Variants in CDH6 observed in about 807,000 individuals in gnomAD.
The protein encoded by CDH6 is cadherin 6, also known as cadherin-6.
A neutral mutation model predicts 78.0 loss-of-function variants in CDH6; 31 were observed. The observed-to-expected ratio is 0.40, with a 90% CI of 0.30 to 0.54. The LOEUF is 0.54. Ranked by LOEUF, CDH6 falls within the 20% of genes least tolerant of loss-of-function variation. CDH6 has a pLI of 0.56. For missense variants in CDH6, 724 were observed against 975.9 expected (o/e 0.74, Z 3.44); for synonymous variants, 376 against 368.8 (o/e 1.02, Z -0.23).
intron 1 of CDH6, among the ~76,000 whole-genome samples, chr5:31,197,149 G>A (rs1740191248): frequency 6.6e-6 from 1 of 152,082 alleles, no homozygotes; most frequent in African/African-American, 2.4e-5. Flanking sequence ...CCTTACTCCA[G>A]GTTTTTTCTG....
chr5:31,255,326 T>G (rs1295608405), intron 1 of CDH6, among the ~76,000 whole-genome samples: 1 of 152,216 alleles, frequency 6.6e-6, no homozygotes, highest in East Asian at 1.9e-4. Context: ...ACAACTGCAG[T>G]AAAACTCAAC....
At chr5:31,200,237 T>G (rs1311036195) in intron 1 of CDH6, among the ~76,000 whole-genome samples, 1 of 152,156 alleles carries the variant, frequency 6.6e-6, no homozygotes, top group Non-Finnish European at 1.5e-5. Context: ...GAGAATAAAT[T>G]ATCTTATCCT....
At chr5:31,201,689 G>T (rs1426788218) in intron 1 of CDH6, among the ~76,000 whole-genome samples, 1 of 152,002 alleles carries the variant, frequency 6.6e-6, no homozygotes, top group Admixed American at 6.6e-5. Flanking sequence ...AAAAGTCTGG[G>T]GACCACTGGT....
Position 31,325,880 on chromosome 5 carries a change from G to C in CDH6, c.*2572G>C. The C allele has an allele frequency of 1.3e-5, 3 of 231,978 alleles. No individual in the cohort carries two copies. In the East Asian group the frequency reaches 1.8e-4, roughly 14 times the overall value. 14.4% of individuals were successfully genotyped at this position (231,978 alleles called of 1,614,324 possible). A position where few individuals can be genotyped will look rare whatever the true frequency, so the allele number is the denominator to read the frequency against. ...AGTACCAGGGTACTGTAAGTATCAA[G>C]TTGGAGTGACGTTTTCCTATAATTC... On this transcript the variant is annotated 3_prime_UTR_variant, in exon 12 of 12. Transcript: ENST00000265071.
chr5:31,245,327 T>A (rs146543242), intron 1 of CDH6, among the ~76,000 whole-genome samples: 1 of 152,326 alleles, frequency 6.6e-6, no homozygotes, highest in East Asian at 1.9e-4. Flanking sequence ...ATTTCAATTC[T>A]TTTCCCTGTT....
chr5:31,235,390 T>G (rs1741429146), intron 1 of CDH6, among the ~76,000 whole-genome samples: 3 of 152,094 alleles, frequency 2.0e-5, no homozygotes. Flanking sequence ...GAAAATGTTG[T>G]TTTGTGATTT....
chr5:31,323,056 C>T lies in CDH6; in HGVS notation c.2121C>T (p.Arg707=), dbSNP rs764986629. 1.2e-6 allele frequency: 2 copies of T among 1,614,074 alleles called. No individual in the cohort carries two copies. The highest frequency in any genetic ancestry group is 2.2e-5 in the East Asian group (1 of 44,874). Residue 707 remains arginine, a synonymous_variant, in exon 12 of 12, where the codon CGC becomes CGT. Transcript: ENST00000265071. The stretch of plus-strand genomic sequence containing the variant: ...TACCCCGACGGACTCCAACAGCTCG[C>T]GACAACACCGATGTCAGAGATTTCA... ...LFLPRRTPTA[R]DNTDVRDFIN... is the part of the protein sequence containing the mutation.
chr5:31,200,418 G>C (rs1264555151), intron 1 of CDH6, among the ~76,000 whole-genome samples: 1 of 151,872 alleles, frequency 6.6e-6, no homozygotes, highest in Non-Finnish European at 1.5e-5. Flanking sequence ...TTGGGACTCT[G>C]GGTAGAGCTA....
chr5:31,305,966 C>G (rs1197576413), intron 7 of CDH6, among the ~76,000 whole-genome samples: 1 of 152,022 alleles, frequency 6.6e-6, no homozygotes, highest in Admixed American at 6.6e-5. Flanking sequence ...GGAAGGAAAA[C>G]AAGCTATAAG....
At chr5:31,318,026 C>T in intron 11 of CDH6, 102 bp downstream of exon 11, 1 of 1,367,650 alleles carries the variant, frequency 7.3e-7, no homozygotes, top group Non-Finnish European at 1.0e-6. Context: ...GGCATACAGC[C>T]TGATCTAGGT....
intron 1 of CDH6, among the ~76,000 whole-genome samples, chr5:31,205,491 A>T (rs186857845): frequency 4.6e-5 from 7 of 152,282 alleles, no homozygotes; most frequent in Middle Eastern, 3.4e-3. Flanking sequence ...TTAATAATTT[A>T]TGCCTTCCTA....
At chr5:31,315,694 T>A (rs1447997224) in intron 8 of CDH6, among the ~76,000 whole-genome samples, 1 of 152,230 alleles carries the variant, frequency 6.6e-6, no homozygotes. Context: ...AGTTTCCTCA[T>A]CTATAAAATG....
chr5:31,327,914 C>T lies in CDH6; in HGVS notation c.*4606C>T. ...TAAAGCCGGAAGTTTATGGTCTCTGCATCGTCAATTTAATTTAAGCATTGC... is the reference window on the plus strand; with the variant it reads ...TAAAGCCGGAAGTTTATGGTCTCTGTATCGTCAATTTAATTTAAGCATTGC... On this transcript the variant is annotated 3_prime_UTR_variant, in exon 12 of 12. Transcript: ENST00000265071. The T allele has an allele frequency of 4.6e-6, 1 of 216,120 alleles. No individual in the cohort carries two copies. The highest frequency in any genetic ancestry group is 2.2e-5 in the African/African-American group (1 of 44,556). The allele number at this position is 216,120 out of a possible 1,614,324, so 13.4% of individuals were successfully genotyped here. A position where few individuals can be genotyped will look rare whatever the true frequency, so the allele number is the denominator to read the frequency against.
intron 1 of CDH6, among the ~76,000 whole-genome samples, chr5:31,207,492 T>G (rs1247601575): frequency 6.6e-6 from 1 of 152,222 alleles, no homozygotes; most frequent in Non-Finnish European, 1.5e-5. Flanking sequence ...CCTAATGGTG[T>G]GAGTGTGTCA....
chr5:31,206,154 G>A (rs1740515267), intron 1 of CDH6, among the ~76,000 whole-genome samples: 1 of 51,680 alleles, frequency 1.9e-5, no homozygotes, highest in African/African-American at 5.4e-5. Context: ...ATAGATAGAT[G>A]ATAGAATAGA....
chr5:31,310,490 G>A (rs960393580), intron 7 of CDH6, among the ~76,000 whole-genome samples: 2 of 152,280 alleles, frequency 1.3e-5, no homozygotes, highest in South Asian at 2.1e-4. Context: ...GAAGAGAGTG[G>A]CCCCCTTCTC....
At chr5:31,220,580 A>G (rs760003165) in intron 1 of CDH6, among the ~76,000 whole-genome samples, 9 of 152,172 alleles carry the variant, frequency 5.9e-5, no homozygotes, top group South Asian at 2.1e-4. Context: ...GCCCTTGAGA[A>G]GCTTACAGTC....
chr5:31,317,360 TG>T lies in CDH6; in HGVS notation c.1513-13del. 1 of 1,282,262 alleles carries T rather than the reference TG, an allele frequency of 7.8e-7. No homozygotes were observed. The highest frequency in any genetic ancestry group is 1.1e-6 in the Non-Finnish European group (1 of 899,354). The allele number at this position is 1,282,262 out of a possible 1,614,324, so 79.4% of individuals were successfully genotyped here. A position where few individuals can be genotyped will look rare whatever the true frequency, so the allele number is the denominator to read the frequency against. On this transcript the variant is annotated splice_polypyrimidine_tract_variant and intron_variant, in intron 9 of 11. Transcript: ENST00000265071. ...TTATCAAAATTTTATGGCAGCGTTT[TG>T]GTTTTTCTCTTAGTTGATTCAGACC...
chr5:31,207,912 G>A (rs1033763437), intron 1 of CDH6, among the ~76,000 whole-genome samples: 1 of 152,150 alleles, frequency 6.6e-6, no homozygotes. Flanking sequence ...TGCCTGTTGG[G>A]GTGATCAAGC....
Sources: allele counts gnomAD v4.1 joint callset (sites outside exome capture counted in the v4.1 genomes callset), GRCh38; gene constraint gnomAD v4.1.1; transcripts MANE v1.5; gene names NCBI Gene and HGNC (gene_info 2026-07-23, HGNC 2026-07-21).